The following LIMS1 variants were observed in gnomAD, a reference collection of about 807,000 sequenced individuals.
The protein encoded by LIMS1 is LIM and senescent cell antigen-like-containing domain protein 1.
Under a neutral mutation model 44.1 loss-of-function variants are expected in LIMS1, and 18 were observed. The ratio of observed to expected loss-of-function variants is 0.41; its 90% CI spans 0.28 to 0.61. The LOEUF is 0.61. Among genes scored for constraint, LIMS1 ranks in the 20% least tolerant of loss-of-function variants. LIMS1 has a pLI of 0.32. For synonymous variants in LIMS1, 93 were observed against 149.1 expected (o/e 0.62, Z 2.74); for missense variants, 201 against 422.0 (o/e 0.48, Z 4.59).
At chr2:108,617,950 G>C (rs953620834) in intron 1 of LIMS1, among the ~76,000 whole-genome samples, 1 of 152,226 alleles carries the variant, frequency 6.6e-6, no homozygotes, top group Non-Finnish European at 1.5e-5. Context: ...CAATTGTTAA[G>C]GCAAATGTCT....
chr2:108,677,398 C>T (rs1200740689), intron 7 of LIMS1: 2 of 153,758 alleles, frequency 1.3e-5, no homozygotes, highest in Non-Finnish European at 2.9e-5. Context: ...AGAACCTTGC[C>T]CCTGGAGCAT....
At chr2:108,584,786 T>C (rs150729419) in intron 1 of LIMS1, among the ~76,000 whole-genome samples, 1 of 151,986 alleles carries the variant, frequency 6.6e-6, no homozygotes, top group Non-Finnish European at 1.5e-5. Flanking sequence ...GTGTGGTATG[T>C]GTATGTCCCT....
At chr2:108,650,808 C>G (rs1408161929) in intron 1 of LIMS1, among the ~76,000 whole-genome samples, 1 of 152,198 alleles carries the variant, frequency 6.6e-6, no homozygotes, top group East Asian at 1.9e-4. Flanking sequence ...GCACTGGGCA[C>G]CAAACTATGT....
intron 1 of LIMS1, among the ~76,000 whole-genome samples, chr2:108,573,199 A>G (rs955316840): frequency 9.2e-5 from 14 of 152,060 alleles, no homozygotes; most frequent in African/African-American, 3.1e-4. Flanking sequence ...CTTACTCTCA[A>G]TTTCTGCACT....
intron 1 of LIMS1, among the ~76,000 whole-genome samples, chr2:108,587,654 T>G (rs1686176059): frequency 6.6e-6 from 1 of 152,170 alleles, no homozygotes; most frequent in Non-Finnish European, 1.5e-5. Flanking sequence ...GACACCCTCA[T>G]TCATGGAAGG....
At chr2:108,600,890 G>A (rs1026975130) in intron 1 of LIMS1, among the ~76,000 whole-genome samples, 2 of 87,400 alleles carry the variant, frequency 2.3e-5, no homozygotes, top group Non-Finnish European at 5.0e-5. Context: ...AGAATTGTTC[G>A]TTCTTCTCTT....
intron 1 of LIMS1, among the ~76,000 whole-genome samples, chr2:108,582,634 G>T (rs543581941): frequency 6.6e-6 from 1 of 152,258 alleles, no homozygotes; most frequent in East Asian, 1.9e-4. Flanking sequence ...TAGGTGTGGT[G>T]GCATGTGCCT....
At chr2:108,588,823 A>G (rs1686232452) in intron 1 of LIMS1, among the ~76,000 whole-genome samples, 2 of 152,098 alleles carry the variant, frequency 1.3e-5, no homozygotes, top group Non-Finnish European at 2.9e-5. Flanking sequence ...TATCTTGTAG[A>G]TGTGTATTTA....
intron 1 of LIMS1, among the ~76,000 whole-genome samples, chr2:108,563,728 A>C (rs1274046768): frequency 6.6e-6 from 1 of 152,164 alleles, no homozygotes; most frequent in African/African-American, 2.4e-5. Context: ...AAACTTAGTA[A>C]AGCAATGGCA....
At chr2:108,620,597 A>G (rs546708186) in intron 1 of LIMS1, among the ~76,000 whole-genome samples, 4 of 152,338 alleles carry the variant, frequency 2.6e-5, no homozygotes, top group African/African-American at 9.6e-5. Context: ...TACAGGGTAT[A>G]TAGGACCCAT....
intron 5 of LIMS1, chr2:108,673,320 A>T: frequency 4.1e-6 from 2 of 490,498 alleles, no homozygotes; most frequent in Non-Finnish European, 7.2e-6. Context: ...AAAATTTCTC[A>T]TGAGTCCCAG....
At chr2:108,584,905 A>G (rs1686033246) in intron 1 of LIMS1, among the ~76,000 whole-genome samples, 1 of 152,052 alleles carries the variant, frequency 6.6e-6, no homozygotes, top group Non-Finnish European at 1.5e-5. Context: ...TAATCCCAGC[A>G]CTTCGGGAGG....
chr2:108,664,378 C>T (rs1178215761), intron 2 of LIMS1, among the ~76,000 whole-genome samples: 1 of 152,218 alleles, frequency 6.6e-6, no homozygotes, highest in African/African-American at 2.4e-5. Flanking sequence ...AAACTTAAAA[C>T]AGTTAGAGCC....
At chr2:108,534,089 C>T (rs1383492536), upstream of LIMS1, 1 of 153,094 alleles carries the variant, frequency 6.5e-6, no homozygotes, top group African/African-American at 2.4e-5. Flanking sequence ...CTGCGCCCGT[C>T]ACCGCCATCC....
chr2:108,667,995 C>G (rs1362741735), intron 2 of LIMS1, among the ~76,000 whole-genome samples: 1 of 151,264 alleles, frequency 6.6e-6, no homozygotes, highest in Admixed American at 6.6e-5. Flanking sequence ...ATTTTTTTAT[C>G]CTTGGTTGAT....
intron 1 of LIMS1, among the ~76,000 whole-genome samples, chr2:108,583,647 A>G (rs530070895): frequency 6.6e-6 from 1 of 151,648 alleles, no homozygotes; most frequent in East Asian, 1.9e-4. Context: ...ATCTATGTCC[A>G]TTCAGAATAG....
chr2:108,642,145 T>C (rs1276716743), intron 1 of LIMS1, among the ~76,000 whole-genome samples: 1 of 152,184 alleles, frequency 6.6e-6, no homozygotes, highest in Admixed American at 6.5e-5. Flanking sequence ...TAGCCATCAG[T>C]TATGCAAATC....
chr2:108,669,178 C>T (rs1217360974), intron 2 of LIMS1, among the ~76,000 whole-genome samples: 4 of 152,174 alleles, frequency 2.6e-5, no homozygotes, highest in South Asian at 2.1e-4. Context: ...AGGCCAAAGG[C>T]GGGAGGATCA....
chr2:108,598,293 T>G (rs1188289994), intron 1 of LIMS1, among the ~76,000 whole-genome samples: 2 of 152,186 alleles, frequency 1.3e-5, no homozygotes, highest in Non-Finnish European at 2.9e-5. Flanking sequence ...TTATCCAAAC[T>G]TTTTCATTTA....
Sources: gnomAD v4.1 joint callset for allele counts (sites outside exome capture counted in the v4.1 genomes callset) on GRCh38, gnomAD v4.1.1 for gene constraint, MANE v1.5 for transcripts, NCBI Gene and HGNC (gene_info 2026-07-23, HGNC 2026-07-21) for gene names.